PDE4B: variants seen among roughly 807,000 people sequenced by gnomAD.
The protein encoded by PDE4B is 3',5'-cyclic-AMP phosphodiesterase 4B.
Under a neutral mutation model 82.2 loss-of-function variants are expected in PDE4B, and 20 were observed. The ratio of observed to expected loss-of-function variants is 0.24; its 90% confidence interval spans 0.17 to 0.35. PDE4B has a LOEUF of 0.35. Ranked by LOEUF, PDE4B falls within the 10% of genes least tolerant of loss-of-function variation. The pLI, the probability that PDE4B is intolerant of heterozygous loss-of-function variation, is 1.00. For synonymous variants in PDE4B, 320 were observed against 318.9 expected (o/e 1.00, Z -0.04); for missense variants, 655 against 907.2 (o/e 0.72, Z 3.57).
chr1:66,001,276 C>T (rs888187595), intron 3 of PDE4B, among the ~76,000 whole-genome samples: 1 of 152,098 alleles, frequency 6.6e-6, no homozygotes, highest in African/African-American at 2.4e-5. Flanking sequence ...CCTAGATATA[C>T]TAATTGTTAG....
chr1:66,294,183 G>A (rs1356141998), intron 7 of PDE4B, among the ~76,000 whole-genome samples: 12 of 152,032 alleles, frequency 7.9e-5, no homozygotes, highest in Non-Finnish European at 1.8e-4. Flanking sequence ...TCCACCCTGG[G>A]TGACACAGCA....
intron 3 of PDE4B, among the ~76,000 whole-genome samples, chr1:66,229,961 C>G (rs1376561987): frequency 2.0e-5 from 3 of 152,160 alleles, no homozygotes; most frequent in Non-Finnish European, 4.4e-5. Context: ...TCGTCCTGAT[C>G]CATTTCATTA....
chr1:65,910,524 G>C (rs540081229), intron 1 of PDE4B, among the ~76,000 whole-genome samples: 1 of 152,284 alleles, frequency 6.6e-6, no homozygotes, highest in African/African-American at 2.4e-5. Flanking sequence ...GTAGGAAATA[G>C]ATTGTTCTCT....
intron 8 of PDE4B, among the ~76,000 whole-genome samples, chr1:66,341,809 G>A (rs180824754): frequency 1.9e-4 from 29 of 152,186 alleles, no homozygotes; most frequent in African/African-American, 6.7e-4. Context: ...ACGTGAGATG[G>A]TGATTCCAGT....
rs1646546796 is a variant in PDE4B, at chr1:65,869,289, A to G, written c.-70-43956A>G. ...CTTGTTTCCATATTTGTAAAATGAAATAAAGGATAGCTACCCTGTAAGTTC... is the reference window on the plus strand; with the variant it reads ...CTTGTTTCCATATTTGTAAAATGAAGTAAAGGATAGCTACCCTGTAAGTTC... On this transcript the variant is annotated intron_variant, in intron 1 of 16. Transcript: ENST00000341517. Among the ~76,000 whole-genome samples, 4 of 152,354 alleles carry G rather than the reference A, an allele frequency of 2.6e-5. No individual in the cohort carries two copies. The South Asian group carries it at 8.3e-4, about 32-fold the overall frequency.
chr1:65,892,105 G>T (rs757076872), intron 1 of PDE4B, among the ~76,000 whole-genome samples: 67 of 152,000 alleles, frequency 4.4e-4, no homozygotes, highest in Admixed American at 1.3e-4. Flanking sequence ...TAGAAACCTA[G>T]CAAAGCCATA....
chr1:66,058,755 T>G (rs991925271), intron 3 of PDE4B, among the ~76,000 whole-genome samples: 25 of 152,226 alleles, frequency 1.6e-4, no homozygotes, highest in South Asian at 1.2e-3. Context: ...ACAGGGGGCC[T>G]GGGCCCGGGC....
intron 3 of PDE4B, among the ~76,000 whole-genome samples, chr1:65,989,441 A>G (rs1651125953): frequency 6.6e-6 from 1 of 152,178 alleles, no homozygotes; most frequent in South Asian, 2.1e-4. Context: ...CAGTGAGCCT[A>G]GACAGAGCCA....
At chr1:65,900,371 A>G (rs1646958288) in intron 1 of PDE4B, among the ~76,000 whole-genome samples, 1 of 152,028 alleles carries the variant, frequency 6.6e-6, no homozygotes, top group Non-Finnish European at 1.5e-5. Flanking sequence ...GCCTTATAGT[A>G]TAGTTTGAAG....
At chr1:66,116,560 G>C (rs1645598076) in intron 3 of PDE4B, among the ~76,000 whole-genome samples, 1 of 152,146 alleles carries the variant, frequency 6.6e-6, no homozygotes, top group South Asian at 2.1e-4. Context: ...TCAGTATAAA[G>C]ACCCCCCCAG....
intron 3 of PDE4B, among the ~76,000 whole-genome samples, chr1:66,072,090 C>T (rs574688046): frequency 2.6e-5 from 4 of 152,190 alleles, no homozygotes; most frequent in African/African-American, 7.2e-5. Flanking sequence ...AGCCACCACA[C>T]GTACATGTAC....
At chr1:65,846,599 T>C (rs1298724945) in intron 1 of PDE4B, among the ~76,000 whole-genome samples, 1 of 152,192 alleles carries the variant, frequency 6.6e-6, no homozygotes, top group Non-Finnish European at 1.5e-5. Flanking sequence ...ATGCTAAGAA[T>C]GTAGCTGTGA....
chr1:65,886,762 TC>T (rs1040468195), intron 1 of PDE4B, among the ~76,000 whole-genome samples: 1 of 152,202 alleles, frequency 6.6e-6, no homozygotes, highest in Admixed American at 6.6e-5. Context: ...TACCACATTT[TC>T]TCAATCCATT....
At chr1:66,117,003 C>A (rs555499013) in intron 3 of PDE4B, among the ~76,000 whole-genome samples, 1 of 152,254 alleles carries the variant, frequency 6.6e-6, no homozygotes, top group South Asian at 2.1e-4. Flanking sequence ...TCCAAAGTGC[C>A]GGTGACTGCC....
chr1:66,250,756 G>T (rs12036928), intron 4 of PDE4B, among the ~76,000 whole-genome samples: 4,304 of 152,316 alleles, frequency 0.028, 189 homozygotes, highest in East Asian at 0.23. Context: ...AGTAAGGCCA[G>T]TTTTACTGCT....
intron 3 of PDE4B, among the ~76,000 whole-genome samples, chr1:66,036,508 A>G (rs1472397462): frequency 1.3e-5 from 2 of 152,126 alleles, no homozygotes; most frequent in Admixed American, 6.5e-5. Context: ...TAGGGGTGAG[A>G]TAAGAGTCCA....
intron 3 of PDE4B, among the ~76,000 whole-genome samples, chr1:66,084,486 A>G (rs547251168): frequency 2.2e-4 from 34 of 152,300 alleles, no homozygotes; most frequent in East Asian, 3.9e-4. Flanking sequence ...CTTTCTTATA[A>G]TGACCCTCAG....
At chr1:65,972,939 T>C (rs1449350431) in intron 3 of PDE4B, among the ~76,000 whole-genome samples, 1 of 152,198 alleles carries the variant, frequency 6.6e-6, no homozygotes, top group Non-Finnish European at 1.5e-5. Context: ...AATTCTAGAC[T>C]GGTGAATAAT....
At chr1:65,840,037 C>G (rs914784114) in intron 1 of PDE4B, among the ~76,000 whole-genome samples, 1 of 151,972 alleles carries the variant, frequency 6.6e-6, no homozygotes, top group African/African-American at 2.4e-5. Context: ...AAAAAATAAG[C>G]CAAGTGAAGT....
Sources: gnomAD v4.1 joint callset for allele counts (sites outside exome capture counted in the v4.1 genomes callset) on GRCh38, gnomAD v4.1.1 for gene constraint, MANE v1.5 for transcripts, NCBI Gene and HGNC (gene_info 2026-07-23, HGNC 2026-07-21) for gene names.